PPP2R2B: variants seen among roughly 807,000 people sequenced by gnomAD.
PPP2R2B encodes the protein serine/threonine-protein phosphatase 2A 55 kDa regulatory subunit B beta isoform.
A neutral mutation model predicts 46.0 loss-of-function variants in PPP2R2B; 5 were observed. That is an observed-to-expected ratio of 0.11 (90% CI 0.06 to 0.23). The LOEUF is 0.23. Among genes scored for constraint, PPP2R2B ranks in the 10% least tolerant of loss-of-function variants. The pLI is 1.00. For synonymous variants in PPP2R2B, 215 were observed against 206.7 expected, an observed-to-expected ratio of 1.04 and a Z score of -0.34; for missense variants, 367 against 575.0, an observed-to-expected ratio of 0.64 and a Z score of 3.70.
intron 7 of PPP2R2B, among the ~76,000 whole-genome samples, chr5:146,634,508 T>C (rs1774664934): frequency 6.6e-6 from 1 of 152,192 alleles, no homozygotes; most frequent in African/African-American, 2.4e-5. Flanking sequence ...CTAATTTTTG[T>C]ATTTTTAGTA....
At chr5:146,665,236 A>G (rs111738781) in intron 5 of PPP2R2B, among the ~76,000 whole-genome samples, 58 of 152,354 alleles carry the variant, frequency 3.8e-4, no homozygotes, top group African/African-American at 1.3e-3. Context: ...TTCTTCCAAC[A>G]TAAGGCTCTC....
At chr5:146,926,514 C>G (rs1050547043) in intron 1 of PPP2R2B, among the ~76,000 whole-genome samples, 2 of 152,110 alleles carry the variant, frequency 1.3e-5, no homozygotes, top group African/African-American at 4.8e-5. Context: ...GCCTCAGCCT[C>G]CTGAGTAGCT....
At chr5:146,897,097 T>A (rs1221058925) in intron 1 of PPP2R2B, among the ~76,000 whole-genome samples, 1 of 152,140 alleles carries the variant, frequency 6.6e-6, no homozygotes, top group Non-Finnish European at 1.5e-5. Flanking sequence ...ATGAAAAGAA[T>A]ATAAAGAGGG....
At chr5:146,871,932 A>T (rs2926169) in intron 2 of PPP2R2B, among the ~76,000 whole-genome samples, 27,172 of 152,214 alleles carry the variant, frequency 0.18, 2,898 homozygotes, top group East Asian at 0.35. Flanking sequence ...TGGAGATTAA[A>T]TGAGTAAACA....
At chr5:146,930,589 T>C (rs1763937046) in intron 1 of PPP2R2B, among the ~76,000 whole-genome samples, 1 of 152,106 alleles carries the variant, frequency 6.6e-6, no homozygotes, top group South Asian at 2.1e-4. Flanking sequence ...CTTCCCAGGT[T>C]AAGGTGGTAA....
chr5:146,826,766 C>T (rs565822066), intron 2 of PPP2R2B, among the ~76,000 whole-genome samples: 2 of 152,042 alleles, frequency 1.3e-5, no homozygotes, highest in Non-Finnish European at 2.9e-5. Flanking sequence ...AGTTGATATT[C>T]CCCTCCCTCC....
chr5:146,639,549 G>A (rs531332788), intron 6 of PPP2R2B, among the ~76,000 whole-genome samples: 1 of 152,096 alleles, frequency 6.6e-6, no homozygotes, highest in Non-Finnish European at 1.5e-5. Flanking sequence ...GGACACAGAG[G>A]GGCCGAGGTA....
At chr5:146,670,252 A>T (rs1777259215) in intron 5 of PPP2R2B, among the ~76,000 whole-genome samples, 1 of 152,158 alleles carries the variant, frequency 6.6e-6, no homozygotes, top group Non-Finnish European at 1.5e-5. Flanking sequence ...TCATTCAGAG[A>T]TTCCTAAACT....
chr5:146,640,105 C>T (rs1775097317), intron 6 of PPP2R2B, among the ~76,000 whole-genome samples: 1 of 152,234 alleles, frequency 6.6e-6, no homozygotes, highest in African/African-American at 2.4e-5. Flanking sequence ...CATCTATGAT[C>T]AAACATCACT....
chr5:146,962,354 G>C (rs192258937), intron 1 of PPP2R2B, among the ~76,000 whole-genome samples: 4 of 151,672 alleles, frequency 2.6e-5, no homozygotes, highest in African/African-American at 9.7e-5. Flanking sequence ...GAATGTGTGT[G>C]CATTAAAACC....
chr5:146,819,485 A>C (rs1412531409), intron 2 of PPP2R2B, among the ~76,000 whole-genome samples: 1 of 152,194 alleles, frequency 6.6e-6, no homozygotes, highest in Non-Finnish European at 1.5e-5. Context: ...GAATGTGGAG[A>C]TGGCAAAGTG....
intron 1 of PPP2R2B, among the ~76,000 whole-genome samples, chr5:146,925,386 T>G (rs1158338345): frequency 6.6e-6 from 1 of 152,182 alleles, no homozygotes; most frequent in Non-Finnish European, 1.5e-5. Flanking sequence ...TTTGCCCTCA[T>G]TTTTGAAGGA....
chr5:146,773,531 T>C (rs754992139), intron 2 of PPP2R2B, among the ~76,000 whole-genome samples: 48 of 152,332 alleles, frequency 3.2e-4, no homozygotes, highest in Non-Finnish European at 5.0e-4. Context: ...TATTAGCACA[T>C]GCACAAAATA....
rs1561551129 is a variant in PPP2R2B at position 146,976,100 on chromosome 5, T to TA, written c.79+79564_79+79565insT. On this transcript the variant is annotated intron_variant, in intron 1 of 8. Transcript: ENST00000336640. ...AGCTTTTACCTAAAAGTTTCATTTT[T>TA]TAAAAAATTTATTATTATTATTATT... 7.0e-3 allele frequency among the ~76,000 whole-genome samples: 947 copies of TA among 135,456 alleles called. 12 individuals carry two copies. The highest frequency in any genetic ancestry group is 0.024 in the African/African-American group (894 of 36,538). 88.9% of individuals were successfully genotyped at this position (135,456 alleles called of 152,430 possible).
rs376896937 is a variant in PPP2R2B at position 146,669,931 on chromosome 5, A to C, written c.448-19207T>G. On this transcript the variant is annotated intron_variant, in intron 5 of 9. Transcript: ENST00000394411. ...TAAAGAAGATTTATGGATTATCTAGATCTTTAAACATGAATTCCTCTTGTA... is the reference window on the plus strand; with the variant it reads ...TAAAGAAGATTTATGGATTATCTAGCTCTTTAAACATGAATTCCTCTTGTA... Among the ~76,000 whole-genome samples the C allele has an allele frequency of 4.8e-4, 73 of 152,322 alleles. No homozygotes were observed. In the South Asian group the frequency reaches 8.5e-3, roughly 18 times the overall value.
intron 2 of PPP2R2B, among the ~76,000 whole-genome samples, chr5:146,738,069 A>G (rs1667459675): frequency 1.3e-5 from 2 of 152,124 alleles, no homozygotes; most frequent in African/African-American, 4.8e-5. Context: ...AAGATATGCC[A>G]TAGAGTGTTT....
intron 1 of PPP2R2B, among the ~76,000 whole-genome samples, chr5:146,964,718 G>C (rs1285638946): frequency 6.6e-6 from 1 of 151,962 alleles, no homozygotes; most frequent in Non-Finnish European, 1.5e-5. Context: ...GTAGAGACAG[G>C]GTTTCACCGT....
chr5:146,791,435 C>T (rs776211409), intron 2 of PPP2R2B, among the ~76,000 whole-genome samples: 1 of 151,920 alleles, frequency 6.6e-6, no homozygotes, highest in Non-Finnish European at 1.5e-5. Context: ...GCGTGTGCGT[C>T]TGTACAGCTT....
intron 1 of PPP2R2B, among the ~76,000 whole-genome samples, chr5:147,052,606 C>A (rs1182646377): frequency 6.6e-6 from 1 of 152,074 alleles, no homozygotes; most frequent in South Asian, 2.1e-4. Context: ...AGAAAAGCAG[C>A]CCAAAAGTCT....
Sources: gnomAD v4.1 joint callset for allele counts (sites outside exome capture counted in the v4.1 genomes callset) on GRCh38, gnomAD v4.1.1 for gene constraint, MANE v1.5 for transcripts, NCBI Gene and HGNC (gene_info 2026-07-23, HGNC 2026-07-21) for gene names.